KIF1B: variants seen among roughly 807,000 people sequenced by gnomAD.
The protein encoded by KIF1B is kinesin family member 1B, also known as kinesin-like protein KIF1B.
In KIF1B, 76 loss-of-function variants were observed where a neutral mutation model predicts 241.9. The ratio of observed to expected loss-of-function variants is 0.31; its 90% CI spans 0.26 to 0.38. The LOEUF (loss-of-function observed/expected upper bound fraction) is 0.38, where lower values mean the gene tolerates loss of function less well. Among genes scored for constraint, KIF1B ranks in the 10% least tolerant of loss-of-function variants. KIF1B has a pLI of 1.00. For synonymous variants in KIF1B, 750 were observed against 796.7 expected (o/e 0.94, Z 0.99); for missense variants, 1,622 against 2,271.4 (o/e 0.71, Z 5.81).
At chr1:10,291,265 C>T in intron 16 of KIF1B, 104 bp downstream of exon 16, 1 of 867,752 alleles carries the variant, frequency 1.2e-6, no homozygotes, top group Non-Finnish European at 1.8e-6. Context: ...AGAGTCTGCC[C>T]TTCTAAAACA....
chr1:10,358,308 A>C (rs563156281), intron 38 of KIF1B, among the ~76,000 whole-genome samples: 53 of 152,230 alleles, frequency 3.5e-4, no homozygotes, highest in Non-Finnish European at 6.3e-4. Flanking sequence ...CAAGTTCAAA[A>C]CATTTGCCTC....
chr1:10,328,071 T>C (rs1651787461), intron 27 of KIF1B, among the ~76,000 whole-genome samples: 1 of 152,116 alleles, frequency 6.6e-6, no homozygotes, highest in South Asian at 2.1e-4. Flanking sequence ...ATGCCTGTAG[T>C]CCCAGCTCCT....
At chr1:10,214,789 G>C (rs1224613952) in intron 1 of KIF1B, among the ~76,000 whole-genome samples, 1 of 151,632 alleles carries the variant, frequency 6.6e-6, no homozygotes, top group East Asian at 1.9e-4. Context: ...CACCGTATTG[G>C]CCAGGCTGAT....
Position 10,316,436 on chromosome 1 carries a change from C to T in KIF1B, c.2116-3607C>T, listed in dbSNP as rs139305003. Among the ~76,000 whole-genome samples the T allele has an allele frequency of 2.7e-4, 41 of 151,606 alleles. 2 individuals are homozygous for T. The highest frequency in any genetic ancestry group is 3.9e-4 in the Admixed American group (6 of 15,258). ...AGATATCTGGGCATGGACTTTGGAT[C>T]GTATGCATATCCTGTTTCCCATGCA... On this transcript the variant is annotated intron_variant, in intron 22 of 48. Transcript: ENST00000676179.
chr1:10,239,036 C>A (rs1352327292), intron 2 of KIF1B, among the ~76,000 whole-genome samples: 1 of 152,004 alleles, frequency 6.6e-6, no homozygotes, highest in Non-Finnish European at 1.5e-5. Context: ...GTAGCTTCCC[C>A]CTCCCTGGCT....
At position 10,361,799 on chromosome 1, in the gene KIF1B, C is replaced by T. The variant is rs1345081064; in HGVS notation, c.4278C>T (p.Gly1426=). 14 of 1,613,952 alleles carry T rather than the reference C, an allele frequency of 8.7e-6. No individual in the cohort carries two copies. Among genetic ancestry groups the T allele is most frequent in the Non-Finnish European group, 1.1e-5 (13 of 1,180,010 alleles). Residue 1426 remains glycine, a synonymous_variant, in exon 40 of 49, where the codon GGC becomes GGT. Transcript: ENST00000676179. ...CACGCTCTCTGCGTAGCCTCTTTGG[C>T]AGCGGCTACTCAAAGTCACCAGATT... ...SPPRSLRSLF[G]SGYSKSPDSN...
At chr1:10,317,982 G>A (rs1203003678) in intron 22 of KIF1B, among the ~76,000 whole-genome samples, 1 of 151,506 alleles carries the variant, frequency 6.6e-6, no homozygotes, top group Non-Finnish European at 1.5e-5. Context: ...AGATGAAGAA[G>A]GTGAAGTTTA....
intron 38 of KIF1B, among the ~76,000 whole-genome samples, chr1:10,357,262 C>T (rs1256538395): frequency 6.6e-6 from 1 of 152,172 alleles, no homozygotes; most frequent in Non-Finnish European, 1.5e-5. Flanking sequence ...CCTGTTTTTC[C>T]TCTGATGCTG....
intron 1 of KIF1B, among the ~76,000 whole-genome samples, chr1:10,217,345 T>TTC (rs1553159727): frequency 1.1e-4 from 13 of 122,796 alleles, no homozygotes; most frequent in Non-Finnish European, 1.1e-4. Context: ...TTCTTTTTCT[T>TTC]TTTTTTTTTT....
intron 4 of KIF1B, among the ~76,000 whole-genome samples, chr1:10,260,853 G>A (rs1389606644): frequency 4.0e-5 from 6 of 148,632 alleles, no homozygotes; most frequent in Non-Finnish European, 8.9e-5. Flanking sequence ...AGCAACAAGA[G>A]TGAAACTCGG....
At chr1:10,351,756 AGGAG>A (rs1470912599) in intron 37 of KIF1B, among the ~76,000 whole-genome samples, 1 of 152,204 alleles carries the variant, frequency 6.6e-6, no homozygotes, top group Non-Finnish European at 1.5e-5. Flanking sequence ...GTTTGAGCTC[AGGAG>A]TTCGAGACCA....
chr1:10,299,983 T>A (rs1319654505), intron 22 of KIF1B, among the ~76,000 whole-genome samples: 6 of 152,108 alleles, frequency 3.9e-5, no homozygotes, highest in African/African-American at 1.4e-4. Flanking sequence ...ACGCCTGTAA[T>A]CCCAGCACTT....
At chr1:10,220,397 T>TAGATAGACA (rs1553160022) in intron 1 of KIF1B, among the ~76,000 whole-genome samples, 1 of 144,172 alleles carries the variant, frequency 6.9e-6, no homozygotes, top group African/African-American at 2.6e-5. Context: ...GATAGATAGA[T>TAGATAGACA]GATAGATAGA....
chr1:10,265,223 T>G (rs1648387305), intron 5 of KIF1B, among the ~76,000 whole-genome samples: 2 of 148,632 alleles, frequency 1.3e-5, no homozygotes, highest in South Asian at 4.2e-4. Flanking sequence ...TTTATTTATT[T>G]ATTTATTTAT....
chr1:10,236,053 A>T (rs1017742450), intron 2 of KIF1B, among the ~76,000 whole-genome samples: 1 of 151,976 alleles, frequency 6.6e-6, no homozygotes, highest in African/African-American at 2.4e-5. Flanking sequence ...CGGATGGATC[A>T]CGAGGTCAGA....
In KIF1B at chr1:10,345,823, A is replaced by G. The variant is rs768213268; in HGVS notation, c.3689-22A>G. The stretch of plus-strand genomic sequence containing the variant: ...GAGTAGTCTTGGACCAGATTTTGAC[A>G]TACTCTAAAAACTTTTAAAAGTTCC... On this transcript the variant is annotated intron_variant, in intron 34 of 48. Coordinates refer to ENST00000676179, the MANE Select transcript of KIF1B (RefSeq NM_001365951.3). The G allele has an allele frequency of 4.4e-6, 7 of 1,589,728 alleles. No individual in the cohort carries two copies. The Admixed American group carries it at 5.0e-5, about 11-fold the overall frequency.
chr1:10,255,966 T>TTG (rs59592660), intron 2 of KIF1B, among the ~76,000 whole-genome samples: 175 of 112,558 alleles, frequency 1.6e-3, no homozygotes, highest in Admixed American at 5.3e-3. Flanking sequence ...GTTGTTGTTG[T>TTG]TTTTTTTTTT....
chr1:10,347,958 A>AT (rs778525309), intron 36 of KIF1B, 131 bp downstream of exon 36: 48,843 of 530,898 alleles, frequency 0.092, no homozygotes, highest in South Asian at 0.13. Flanking sequence ...TCCTGTTGTC[A>AT]TTTTTTTTTT....
intron 22 of KIF1B, among the ~76,000 whole-genome samples, chr1:10,310,414 T>C (rs1651016457): frequency 6.6e-6 from 1 of 151,608 alleles, no homozygotes; most frequent in African/African-American, 2.4e-5. Context: ...CACTAGATAG[T>C]AAATATTTTA....
Sources: allele counts gnomAD v4.1 joint callset (sites outside exome capture counted in the v4.1 genomes callset), GRCh38; gene constraint gnomAD v4.1.1; transcripts MANE v1.5; gene names NCBI Gene and HGNC (gene_info 2026-07-23, HGNC 2026-07-21).